The following ZNF407 variants were observed in gnomAD, a reference collection of about 807,000 sequenced individuals.
ZNF407 encodes zinc finger protein 407.
A neutral mutation model predicts 131.2 loss-of-function variants in ZNF407; 17 were observed. That is an observed-to-expected ratio of 0.13 (90% CI 0.09 to 0.19). The LOEUF (loss-of-function observed/expected upper bound fraction) is 0.19, where lower values mean the gene tolerates loss of function less well. ZNF407 is among the 10% of genes least tolerant of loss of function. The pLI is 1.00. For missense variants in ZNF407, 2,681 were observed against 2,830.6 expected (o/e 0.95, Z 1.20); for synonymous variants, 1,156 against 1,062.0 (o/e 1.09, Z -1.72).
intron 4 of ZNF407, among the ~76,000 whole-genome samples, chr18:74,848,325 T>C (rs1316872927): frequency 3.9e-5 from 6 of 152,212 alleles, no homozygotes; most frequent in Non-Finnish European, 8.8e-5. Flanking sequence ...TTTTGGGTGA[T>C]ACTTGACTGG....
intron 7 of ZNF407, among the ~76,000 whole-genome samples, chr18:74,913,525 G>T (rs779889104): frequency 7.9e-5 from 12 of 152,188 alleles, no homozygotes; most frequent in Non-Finnish European, 1.3e-4. Flanking sequence ...TAGCCAAGGG[G>T]AGTGGTGAGA....
intron 8 of ZNF407, among the ~76,000 whole-genome samples, chr18:74,990,702 G>A (rs1464546084): frequency 6.6e-6 from 1 of 152,174 alleles, no homozygotes; most frequent in Non-Finnish European, 1.5e-5. Context: ...TCTTACAGAA[G>A]CAAAACAAAA....
chr18:74,726,512 C>A (rs1208414936), intron 3 of ZNF407, among the ~76,000 whole-genome samples: 5 of 152,050 alleles, frequency 3.3e-5, no homozygotes. Context: ...TATGAAACAG[C>A]AATGTATTGG....
Position 74,634,755 on chromosome 18 carries a change from C to T in ZNF407, c.3736C>T (p.His1246Tyr), listed in dbSNP as rs537754315. The change falls in exon 2 of 9, where the codon CAC becomes TAC. Residue 1246 changes from histidine (H) to tyrosine (Y), a missense_variant. By Grantham distance (83) the His-to-Tyr change is moderately conservative. Around this residue, in one of 6 missense-constraint regions of ZNF407, gnomAD observed 1,789 missense variants for 1,748.7 expected, o/e 1.02. Transcript: ENST00000299687. ...NAGDGGGVVP[H>Y]RHLCPVTLDG... ...AGGAGACGGTGGAGGTGTTGTCCCCCACAGACACCTGTGCCCTGTGACGCT... is the reference window on the plus strand; with the variant it reads ...AGGAGACGGTGGAGGTGTTGTCCCCTACAGACACCTGTGCCCTGTGACGCT... The T allele has an allele frequency of 1.2e-6, 2 of 1,614,000 alleles. No homozygotes were observed. Among genetic ancestry groups the T allele is most frequent in the Non-Finnish European group, 1.7e-6 (2 of 1,179,894 alleles).
chr18:75,041,620 G>A (rs1008553498), intron 8 of ZNF407, among the ~76,000 whole-genome samples: 9 of 115,736 alleles, frequency 7.8e-5, no homozygotes, highest in South Asian at 2.6e-4. Context: ...GTGCATGCAC[G>A]TGCACACACA....
chr18:74,622,527 G>T (rs1983560283), intron 1 of ZNF407, among the ~76,000 whole-genome samples: 1 of 152,088 alleles, frequency 6.6e-6, no homozygotes, highest in South Asian at 2.1e-4. Flanking sequence ...CAAAGAGAAA[G>T]AACAAAAGAC....
At chr18:74,951,121 A>G (rs904789027) in intron 8 of ZNF407, among the ~76,000 whole-genome samples, 3 of 152,176 alleles carry the variant, frequency 2.0e-5, no homozygotes, top group African/African-American at 4.8e-5. Context: ...TAACTTCTCT[A>G]TTATGACCAC....
At chr18:74,653,744 AAGCATCAGTAGAT>A (rs1985329088) in intron 3 of ZNF407, among the ~76,000 whole-genome samples, 1 of 151,848 alleles carries the variant, frequency 6.6e-6, no homozygotes, top group Non-Finnish European at 1.5e-5. Context: ...ACATTATTTA[AAGCATCAGTAGAT>A]TATCAAAAAC....
intron 3 of ZNF407, among the ~76,000 whole-genome samples, chr18:74,705,112 A>G (rs1265885582): frequency 2.0e-5 from 3 of 151,796 alleles, no homozygotes; most frequent in Non-Finnish European, 4.4e-5. Context: ...TGGAGGATTG[A>G]TAAATATAGA....
At chr18:74,893,540 ATATCT>A (rs1387306994) in intron 7 of ZNF407, among the ~76,000 whole-genome samples, 1 of 152,166 alleles carries the variant, frequency 6.6e-6, no homozygotes, top group South Asian at 2.1e-4. Context: ...GTTCGAACAG[ATATCT>A]TTACTTTCTT....
chr18:74,808,597 G>A (rs1970148437), intron 4 of ZNF407, among the ~76,000 whole-genome samples: 1 of 152,152 alleles, frequency 6.6e-6, no homozygotes, highest in African/African-American at 2.4e-5. Flanking sequence ...ATGTTACTGA[G>A]ATACTATAAT....
At chr18:74,654,845 C>T (rs1328268684) in intron 3 of ZNF407, among the ~76,000 whole-genome samples, 1 of 151,702 alleles carries the variant, frequency 6.6e-6, no homozygotes, top group Non-Finnish European at 1.5e-5. Context: ...CTATAGTTCA[C>T]TACCAAATTG....
At chr18:74,684,833 C>G (rs479918) in intron 3 of ZNF407, among the ~76,000 whole-genome samples, 1 of 151,968 alleles carries the variant, frequency 6.6e-6, no homozygotes, top group African/African-American at 2.4e-5. Flanking sequence ...CTCCCAAGAA[C>G]ATATCAGAAC....
chr18:74,751,835 T>TGTGC (rs1369822819), intron 3 of ZNF407, among the ~76,000 whole-genome samples: 1 of 152,228 alleles, frequency 6.6e-6, no homozygotes, highest in African/African-American at 2.4e-5. Context: ...TAGACATACA[T>TGTGC]GTGCGTGTGT....
In ZNF407 at chr18:75,026,544, A is replaced by G. The variant is rs773649970; in HGVS notation, c.5429-36606A>G. 3.3e-5 allele frequency among the ~76,000 whole-genome samples: 5 copies of G among 152,230 alleles called. No homozygotes were observed. The East Asian group carries it at 7.7e-4, about 23-fold the overall frequency. On this transcript the variant is annotated intron_variant, in intron 8 of 8. Coordinates refer to ENST00000299687, the MANE Select transcript of ZNF407 (RefSeq NM_017757.3). ...GTTATATGAAACACAAGAATAAACA[A>G]TTCTGTAAATTTGGAACTCTTTCAA...
intron 8 of ZNF407, among the ~76,000 whole-genome samples, chr18:74,994,147 T>C (rs573162904): frequency 6.6e-6 from 1 of 152,296 alleles, no homozygotes; most frequent in Admixed American, 6.5e-5. Flanking sequence ...CATTGTTCTG[T>C]GGCTGTGTAA....
chr18:74,773,089 G>A (rs1473048929), intron 3 of ZNF407, among the ~76,000 whole-genome samples: 1 of 152,048 alleles, frequency 6.6e-6, no homozygotes, highest in Non-Finnish European at 1.5e-5. Context: ...GGCCATGGGT[G>A]GAAATAAATA....
intron 3 of ZNF407, among the ~76,000 whole-genome samples, chr18:74,659,926 C>T (rs1426140838): frequency 6.6e-6 from 1 of 152,052 alleles, no homozygotes; most frequent in African/African-American, 2.4e-5. Flanking sequence ...ATTATTATGC[C>T]ATTTCTTATT....
intron 2 of ZNF407, among the ~76,000 whole-genome samples, chr18:74,636,345 AT>A (rs971834547): frequency 2.9e-4 from 43 of 150,614 alleles, no homozygotes; most frequent in Middle Eastern, 3.4e-3. Flanking sequence ...TTAAAAAAAC[AT>A]TTTTTTTTGG....
Sources: gnomAD v4.1 joint callset for allele counts (sites outside exome capture counted in the v4.1 genomes callset) on GRCh38, gnomAD v4.1.1 for gene constraint, gnomAD v4.1.1 regional missense constraint, MANE v1.5 for transcripts, NCBI Gene and HGNC (gene_info 2026-07-23, HGNC 2026-07-21) for gene names.